Variants in ALPL observed in about 807,000 individuals in gnomAD.
ALPL encodes the protein alkaline phosphatase, tissue-nonspecific isozyme.
Under a neutral mutation model 51.3 loss-of-function variants are expected in ALPL, and 42 were observed. The observed-to-expected ratio is 0.82, with a 90% confidence interval of 0.64 to 1.06. ALPL has a LOEUF of 1.06. ALPL is among the 50% of genes least tolerant of loss of function. The pLI, the probability that ALPL is intolerant of heterozygous loss-of-function variation, is 0.00. For synonymous variants in ALPL, 279 were observed against 296.4 expected (o/e 0.94, Z 0.60); for missense variants, 589 against 709.4 (o/e 0.83, Z 1.93).
intron 2 of ALPL, among the ~76,000 whole-genome samples, chr1:21,556,314 G>A (rs1644413215): frequency 6.6e-6 from 1 of 152,164 alleles, no homozygotes; most frequent in African/African-American, 2.4e-5. Context: ...GGCAAAATGT[G>A]TACCTTAAAA....
intron 1 of ALPL, among the ~76,000 whole-genome samples, chr1:21,525,152 C>T (rs1167169147): frequency 6.6e-6 from 1 of 152,232 alleles, no homozygotes; most frequent in African/African-American, 2.4e-5. Flanking sequence ...GCCCCACTTC[C>T]CCCTCTTGGA....
intron 2 of ALPL, among the ~76,000 whole-genome samples, chr1:21,556,472 T>G (rs916662593): frequency 6.6e-6 from 1 of 151,260 alleles, no homozygotes; most frequent in African/African-American, 2.4e-5. Flanking sequence ...GAGACCTCCA[T>G]CTCTAGAAAC....
intron 1 of ALPL, among the ~76,000 whole-genome samples, chr1:21,516,148 G>T (rs1643795822): frequency 6.6e-6 from 1 of 152,170 alleles, no homozygotes; most frequent in African/African-American, 2.4e-5. Flanking sequence ...CCAAAGTGCT[G>T]GGATTACAGG....
Position 21,577,540 on chromosome 1 carries a change from C to A in ALPL, c.1467C>A (p.Cys489Ter), listed in dbSNP as rs1422224749. The A allele has an allele frequency of 6.2e-7, 1 of 1,606,392 alleles. No individual in the cohort carries two copies. Among genetic ancestry groups the A allele is most frequent in the Non-Finnish European group, 8.5e-7 (1 of 1,179,864 alleles). Residue 489 changes from cysteine (C) to a stop codon, truncating the protein, a stop_gained, in exon 12 of 12, where the codon TGC becomes TGA. Coordinates refer to ENST00000374840, the MANE Select transcript of ALPL (RefSeq NM_000478.6). LOFTEE classifies it low-confidence loss of function (END_TRUNC). ...YVPHVMAYAA[C>*]IGANLGHCAP... ...CCCACGTGATGGCGTATGCAGCCTGCATCGGGGCCAACCTCGGCCACTGTG... is the reference window on the plus strand; with the variant it reads ...CCCACGTGATGGCGTATGCAGCCTGAATCGGGGCCAACCTCGGCCACTGTG...
At position 21,575,873 on chromosome 1, in the gene ALPL, TC is replaced by T. The variant is rs758119185; in HGVS notation, c.1141del (p.His381ThrfsTer22). 2 of 1,614,096 alleles carry T rather than the reference TC, an allele frequency of 1.2e-6. No individual in the cohort carries two copies. The highest frequency in any genetic ancestry group is 2.7e-5 in the African/African-American group (2 of 74,924). On this transcript the variant is annotated frameshift_variant, in exon 10 of 12. Transcript: ENST00000374840. LOFTEE classifies it high-confidence loss of function. Reference sequence around the variant, plus strand: ...TCTGACCGTGGTCACTGCGGACCATTCCCACGTCTTCACATTTGGTGGATAC... The same window carrying T: ...TCTGACCGTGGTCACTGCGGACCATTCCACGTCTTCACATTTGGTGGATAC... The part of the protein sequence containing the change: ...DTLTVVTADH[S>X]HVFTFGGYTP...
At chr1:21,526,006 G>A (rs1643936720) in intron 1 of ALPL, among the ~76,000 whole-genome samples, 1 of 152,098 alleles carries the variant, frequency 6.6e-6, no homozygotes, top group South Asian at 2.1e-4. Flanking sequence ...CGAACAAAAA[G>A]AGTGTGTACA....
At position 21,564,788 on chromosome 1, in the gene ALPL, C is replaced by A. The variant is rs1318663196; in HGVS notation, c.648+572C>A. Reference sequence around the variant, plus strand: ...ACTGTACCTGCCTCATAAGCTTATGCCAAGAACTGATTAAGATAATCCCTG... The same window carrying A: ...ACTGTACCTGCCTCATAAGCTTATGACAAGAACTGATTAAGATAATCCCTG... On this transcript the variant is annotated intron_variant, in intron 6 of 11. Transcript: ENST00000374840. This position sits in a 1 kb window ranked among gnomAD's most constrained non-coding sequence, Gnocchi z 5.8. Among the ~76,000 whole-genome samples the A allele has an allele frequency of 6.6e-6, 1 of 152,178 alleles. No homozygotes were observed. The highest frequency in any genetic ancestry group is 1.5e-5 in the Non-Finnish European group (1 of 68,040).
intron 1 of ALPL, among the ~76,000 whole-genome samples, chr1:21,553,150 G>GTT (rs57915975): frequency 3.1e-4 from 47 of 149,576 alleles, no homozygotes; most frequent in East Asian, 1.7e-3. Context: ...TTTCCTTCCA[G>GTT]TTTTTTTTTC....
chr1:21,565,624 G>T (rs1037632982), intron 6 of ALPL, among the ~76,000 whole-genome samples: 3 of 151,218 alleles, frequency 2.0e-5, no homozygotes, highest in African/African-American at 7.3e-5. Flanking sequence ...AGGAGGGGGG[G>T]CCGCAGGGGC....
chr1:21,539,767 G>A (rs1331695286), intron 1 of ALPL, among the ~76,000 whole-genome samples: 1 of 150,788 alleles, frequency 6.6e-6, no homozygotes, highest in Non-Finnish European at 1.5e-5. Context: ...CCATTCTCCT[G>A]CCTCAGCCTC....
intron 2 of ALPL, among the ~76,000 whole-genome samples, chr1:21,556,204 T>C (rs886201212): frequency 1.3e-5 from 2 of 152,254 alleles, no homozygotes; most frequent in African/African-American, 2.4e-5. Flanking sequence ...ACAATTCTTA[T>C]ACTATAAATT....
chr1:21,543,479 C>T (rs557817231), intron 1 of ALPL, among the ~76,000 whole-genome samples: 69 of 151,842 alleles, frequency 4.5e-4, no homozygotes, highest in African/African-American at 1.6e-3. Context: ...CCCAGCTACT[C>T]GGGAGCCTGA....
intron 1 of ALPL, among the ~76,000 whole-genome samples, chr1:21,540,631 C>G (rs1320790457): frequency 3.3e-5 from 5 of 152,230 alleles, no homozygotes; most frequent in Non-Finnish European, 5.9e-5. Context: ...GGCTGCCCCT[C>G]TGTCCTGAAT....
At chr1:21,554,799 GTCTGTCTGTCTGTCTGTCTT>G (rs1292032125) in intron 2 of ALPL, among the ~76,000 whole-genome samples, 2,705 of 40,890 alleles carry the variant, frequency 0.066, 51 homozygotes, top group Admixed American at 0.095. Flanking sequence ...CTGTCTGTCT[GTCTGTCTGTCTGTCTGTCTT>G]TCTTTCTTTC....
chr1:21,543,493 A>G (rs1201546165), intron 1 of ALPL, among the ~76,000 whole-genome samples: 1 of 152,116 alleles, frequency 6.6e-6, no homozygotes, highest in Admixed American at 6.6e-5. Context: ...AGCCTGAGGC[A>G]TGAGAATCAC....
chr1:21,558,446 C>T (rs1300781093), intron 2 of ALPL, among the ~76,000 whole-genome samples: 1 of 152,348 alleles, frequency 6.6e-6, no homozygotes, highest in East Asian at 1.9e-4. Context: ...AGGCTGGAAC[C>T]AGCCTGGGCC....
Position 21,509,692 on chromosome 1 carries a change from C to G in ALPL, c.-105+175C>G, listed in dbSNP as rs939462689. On this transcript the variant is annotated intron_variant, in intron 1 of 11. Coordinates refer to ENST00000374840, the MANE Select transcript of ALPL (RefSeq NM_000478.6). The surrounding 1 kb of genome is among the most constrained non-coding windows in gnomAD (Gnocchi z 6.0). ...GGGACGCCCTGCAATTGGTCCTGCC[C>G]CTGTCCTCCCGCGCATCCCAAGCTC... Among the ~76,000 whole-genome samples the G allele has an allele frequency of 6.6e-6, 1 of 152,172 alleles. No individual in the cohort carries two copies. The highest frequency in any genetic ancestry group is 1.5e-5 in the Non-Finnish European group (1 of 68,030).
intron 4 of ALPL, among the ~76,000 whole-genome samples, chr1:21,562,663 GC>G (rs1644500610): frequency 6.6e-6 from 1 of 151,948 alleles, no homozygotes; most frequent in South Asian, 2.1e-4. Flanking sequence ...GCTGGTCTTG[GC>G]CCCACCCTTC....
intron 1 of ALPL, among the ~76,000 whole-genome samples, chr1:21,532,112 G>A (rs1245510232): frequency 1.3e-5 from 2 of 152,164 alleles, no homozygotes; most frequent in African/African-American, 2.4e-5. Context: ...AGAGCACAAT[G>A]AATTCAAAAG....
Sources: gnomAD v4.1 joint callset for allele counts (sites outside exome capture counted in the v4.1 genomes callset) on GRCh38, gnomAD v4.1.1 for gene constraint, Gnocchi (gnomAD v3.1) non-coding constraint, MANE v1.5 for transcripts, NCBI Gene and HGNC (gene_info 2026-07-23, HGNC 2026-07-21) for gene names.